FSD1L: variants seen among roughly 807,000 people sequenced by gnomAD.
The protein encoded by FSD1L is fibronectin type III and SPRY domain containing 1 like.
Under a neutral mutation model 71.6 loss-of-function variants are expected in FSD1L, and 45 were observed. The ratio of observed to expected loss-of-function variants is 0.63; its 90% CI spans 0.49 to 0.81. The LOEUF (loss-of-function observed/expected upper bound fraction) is 0.81, where lower values mean the gene tolerates loss of function less well. Ranked by LOEUF, FSD1L falls within the 30% of genes least tolerant of loss-of-function variation. FSD1L has a pLI of 0.00. For missense variants in FSD1L, 561 were observed against 618.1 expected (o/e 0.91, Z 0.98); for synonymous variants, 197 against 207.2 (o/e 0.95, Z 0.42).
chr9:105,523,277 G>C, intron 10 of FSD1L: 1 of 1,601,086 alleles, frequency 6.2e-7, no homozygotes, highest in Non-Finnish European at 8.6e-7. Flanking sequence ...CTTCTACATT[G>C]AATATAGATC....
intron 6 of FSD1L, among the ~76,000 whole-genome samples, chr9:105,481,179 G>GTGTGTGTGTGTGTGTGTGTGTGTGTGT (rs71364100): frequency 8.7e-6 from 1 of 115,380 alleles, no homozygotes; most frequent in African/African-American, 3.3e-5. Flanking sequence ...GTGTGTGTGT[G>GTGTGTGTGTGTGTGTGTGTGTGTGTGT]GTTCTTTTTT....
intron 7 of FSD1L, among the ~76,000 whole-genome samples, chr9:105,486,753 A>G (rs1183126035): frequency 2.0e-5 from 3 of 152,188 alleles, no homozygotes; most frequent in African/African-American, 4.8e-5. Context: ...ATCTGTTTAC[A>G]TATTAAAGTT....
intron 7 of FSD1L, among the ~76,000 whole-genome samples, chr9:105,501,331 T>A (rs1455216820): frequency 5.9e-5 from 9 of 152,138 alleles, no homozygotes; most frequent in Non-Finnish European, 1.5e-5. Flanking sequence ...TATTTGAAAT[T>A]TTTGAAGTTT....
In FSD1L at chr9:105,525,376, C is replaced by T. The variant is rs574470731; in HGVS notation, c.1026-9117C>T. Reference sequence around the variant, plus strand: ...CTCACTTAATATTCCTGCTCCACAACCTGTGTGCATTTCTGAAAAACAAGA... The same window carrying T: ...CTCACTTAATATTCCTGCTCCACAATCTGTGTGCATTTCTGAAAAACAAGA... On this transcript the variant is annotated intron_variant, in intron 10 of 13. Coordinates refer to ENST00000481272, the MANE Select transcript of FSD1L (RefSeq NM_001145313.3). 6.3e-6 allele frequency: 10 copies of T among 1,599,480 alleles called. No individual in the cohort carries two copies. In the South Asian group the frequency reaches 1.0e-4, roughly 17 times the overall value.
chr9:105,540,592 A>G (rs1836548456), intron 13 of FSD1L, among the ~76,000 whole-genome samples: 2 of 152,136 alleles, frequency 1.3e-5, no homozygotes, highest in Admixed American at 1.3e-4. Context: ...TGTGTTTGGT[A>G]TGAAGTAAGG....
intron 10 of FSD1L, 126 bp downstream of exon 10, chr9:105,513,062 A>G: frequency 1.4e-6 from 1 of 710,762 alleles, no homozygotes; most frequent in Non-Finnish European, 2.1e-6. Context: ...AGTAGCACCA[A>G]AGTGAAGAAT....
At chr9:105,462,621 C>G (rs1830783098) in intron 2 of FSD1L, among the ~76,000 whole-genome samples, 1 of 147,392 alleles carries the variant, frequency 6.8e-6, no homozygotes, top group Non-Finnish European at 1.5e-5. Context: ...CCTCCCAGTT[C>G]AAGTGATTCT....
At chr9:105,526,713 T>A (rs1392738189) in intron 10 of FSD1L, among the ~76,000 whole-genome samples, 2 of 152,238 alleles carry the variant, frequency 1.3e-5, no homozygotes, top group African/African-American at 4.8e-5. Context: ...TTAAGTTATT[T>A]ATTGTTTCAT....
chr9:105,442,407 G>A, the FSD1L span, among the ~76,000 whole-genome samples: 4 of 152,046 alleles, frequency 2.6e-5, no homozygotes, highest in African/African-American at 9.7e-5. Context: ...TGCTAGGCAC[G>A]GTGGCTCACA....
At chr9:105,534,213 C>T (rs950670558) in intron 10 of FSD1L, among the ~76,000 whole-genome samples, 14 of 152,066 alleles carry the variant, frequency 9.2e-5, no homozygotes, top group Admixed American at 3.9e-4. Flanking sequence ...CACATTTTAG[C>T]ATTGTTTCTT....
intron 5 of FSD1L, chr9:105,473,057 C>G (rs1831574718): frequency 6.6e-6 from 1 of 152,144 alleles, no homozygotes; most frequent in South Asian, 2.1e-4. Context: ...GTAATCCCAG[C>G]ACTATGGGAA....
intron 6 of FSD1L, among the ~76,000 whole-genome samples, chr9:105,480,125 T>A (rs575785686): frequency 6.6e-6 from 1 of 152,184 alleles, no homozygotes; most frequent in South Asian, 2.1e-4. Flanking sequence ...AGTTTTTTCA[T>A]CTGAGGGTCA....
chr9:105,548,929 ATCC>A lies in FSD1L; in HGVS notation c.*2449_*2451del, dbSNP rs1468297437. 1 of 152,062 alleles carries A rather than the reference ATCC, an allele frequency of 6.6e-6. No individual in the cohort carries two copies. The highest frequency in any genetic ancestry group is 1.5e-5 in the Non-Finnish European group (1 of 67,950). The allele number at this position is 152,062 out of a possible 1,614,324, so 9.4% of individuals were successfully genotyped here. A position where few individuals can be genotyped will look rare whatever the true frequency, so the allele number is the denominator to read the frequency against. On this transcript the variant is annotated 3_prime_UTR_variant, in exon 14 of 14. Transcript: ENST00000481272. ...TAAGTTAAACTGGAGAAAGTTTGTCATCCTCATTTTCAAACTGAAAACTAATCA... is the reference window on the plus strand; with the variant it reads ...TAAGTTAAACTGGAGAAAGTTTGTCATCATTTTCAAACTGAAAACTAATCA...
chr9:105,495,448 C>G (rs1833308287), intron 7 of FSD1L, among the ~76,000 whole-genome samples: 1 of 152,356 alleles, frequency 6.6e-6, no homozygotes, highest in East Asian at 1.9e-4. Context: ...ACCCCTTGCT[C>G]TTCCCGAGTG....
At chr9:105,533,414 A>ATTTTTTTTTTTTTTTTTTTTTTTTTTTTT (rs1271918066) in intron 10 of FSD1L, among the ~76,000 whole-genome samples, 2 of 13,370 alleles carry the variant, frequency 1.5e-4, no homozygotes, top group African/African-American at 2.1e-4. Flanking sequence ...TGCCATTTCC[A>ATTTTTTTTTTTTTTTTTTTTTTTTTTTTT]TCTTTTTTTT....
chr9:105,504,475 T>C (rs964504499), intron 7 of FSD1L, among the ~76,000 whole-genome samples: 3 of 152,226 alleles, frequency 2.0e-5, no homozygotes, highest in South Asian at 4.1e-4. Flanking sequence ...CTTGGTGTTA[T>C]TTTACTGGGT....
At chr9:105,515,779 C>A (rs951306413) in intron 10 of FSD1L, among the ~76,000 whole-genome samples, 1 of 150,474 alleles carries the variant, frequency 6.6e-6, no homozygotes, top group Non-Finnish European at 1.5e-5. Context: ...ACCAAACTAG[C>A]TGCAGAAGGT....
chr9:105,470,455 G>T (rs1831379970), intron 4 of FSD1L, among the ~76,000 whole-genome samples: 1 of 151,994 alleles, frequency 6.6e-6, no homozygotes, highest in Admixed American at 6.6e-5. Flanking sequence ...GGGTGTCTAG[G>T]TCTCATGCTT....
At chr9:105,492,076 C>T (rs1357116131) in intron 7 of FSD1L, among the ~76,000 whole-genome samples, 1 of 151,916 alleles carries the variant, frequency 6.6e-6, no homozygotes, top group Non-Finnish European at 1.5e-5. Flanking sequence ...AGGAATGGTA[C>T]CAGTTCCTCC....
Sources: gnomAD v4.1 joint callset for allele counts (sites outside exome capture counted in the v4.1 genomes callset) on GRCh38, gnomAD v4.1.1 for gene constraint, MANE v1.5 for transcripts, NCBI Gene and HGNC (gene_info 2026-07-23, HGNC 2026-07-21) for gene names.